Variants in LRRTM4 observed in about 807,000 individuals in gnomAD.
LRRTM4 encodes leucine-rich repeat transmembrane neuronal protein 4.
A neutral mutation model predicts 47.6 loss-of-function variants in LRRTM4; 25 were observed. The observed-to-expected ratio is 0.53, with a 90% CI of 0.38 to 0.73. The LOEUF is 0.73. LRRTM4 is among the 30% of genes least tolerant of loss of function. The pLI, the probability that LRRTM4 is intolerant of heterozygous loss-of-function variation, is 0.00. For missense variants in LRRTM4, 638 were observed against 713.4 expected, an observed-to-expected ratio of 0.89 and a Z score of 1.20; for synonymous variants, 311 against 269.5, an observed-to-expected ratio of 1.15 and a Z score of -1.51.
At chr2:76,915,244 G>T (rs1162919544) in intron 3 of LRRTM4, among the ~76,000 whole-genome samples, 1 of 152,166 alleles carries the variant, frequency 6.6e-6, no homozygotes, top group Non-Finnish European at 1.5e-5. Context: ...TGAAGTCTGT[G>T]GGAGAGTATG....
chr2:77,090,869 C>G (rs923647714), intron 3 of LRRTM4, among the ~76,000 whole-genome samples: 2 of 152,130 alleles, frequency 1.3e-5, no homozygotes, highest in Non-Finnish European at 2.9e-5. Flanking sequence ...GCCTCGGCAG[C>G]CCCCTAGACC....
intron 3 of LRRTM4, among the ~76,000 whole-genome samples, chr2:77,456,679 C>T (rs1183127303): frequency 1.3e-5 from 2 of 151,976 alleles, no homozygotes; most frequent in Non-Finnish European, 2.9e-5. Flanking sequence ...TCTTTCAGAA[C>T]ATCTTTCACC....
chr2:76,805,641 A>C (rs559207429), intron 3 of LRRTM4, among the ~76,000 whole-genome samples: 38 of 152,290 alleles, frequency 2.5e-4, no homozygotes, highest in African/African-American at 9.1e-4. Context: ...ATTCATAATG[A>C]TCTTTTCTTT....
intron 3 of LRRTM4, among the ~76,000 whole-genome samples, chr2:77,476,841 A>T (rs1214412499): frequency 2.0e-5 from 3 of 152,068 alleles, no homozygotes; most frequent in Non-Finnish European, 4.4e-5. Context: ...TTTTTTAAGG[A>T]GTTAAGTTAA....
In LRRTM4 at chr2:76,873,324, C is replaced by A. The variant is rs535529792; in HGVS notation, c.1552-124408G>T. ...TGGCTAGCATTGTCATGCCCAGAGC[C>A]CTCTTTGGCACAACTTCATTTCCAA... On this transcript the variant is annotated intron_variant, in intron 3 of 3. Coordinates refer to ENST00000409884, the MANE Select transcript of LRRTM4 (RefSeq NM_001134745.3). Among the ~76,000 whole-genome samples, 15 of 151,498 alleles carry A rather than the reference C, an allele frequency of 9.9e-5. 1 individual carries two copies. The highest frequency in any genetic ancestry group is 1.6e-4 in the Non-Finnish European group (11 of 67,898).
chr2:77,019,097 A>G (rs559596385), intron 3 of LRRTM4, among the ~76,000 whole-genome samples: 43 of 152,118 alleles, frequency 2.8e-4, no homozygotes, highest in African/African-American at 9.9e-4. Context: ...ACAGTGCTAT[A>G]TGAAAAACTT....
intron 3 of LRRTM4, among the ~76,000 whole-genome samples, chr2:76,756,396 C>T (rs1363697839): frequency 6.6e-6 from 1 of 152,074 alleles, no homozygotes; most frequent in Non-Finnish European, 1.5e-5. Flanking sequence ...TTGTATAAAA[C>T]AGAGTTGCAT....
At chr2:77,016,283 G>A (rs1256976616) in intron 3 of LRRTM4, among the ~76,000 whole-genome samples, 1 of 151,646 alleles carries the variant, frequency 6.6e-6, no homozygotes, top group Non-Finnish European at 1.5e-5. Flanking sequence ...CTACTTGGGA[G>A]GCTGAGGCAA....
intron 3 of LRRTM4, among the ~76,000 whole-genome samples, chr2:77,198,526 A>T (rs1286445365): frequency 1.3e-5 from 2 of 152,192 alleles, no homozygotes; most frequent in Non-Finnish European, 2.9e-5. Context: ...GTTAAAATTA[A>T]GATTAATTGT....
intron 3 of LRRTM4, chr2:77,517,885 T>G: frequency 1.0e-6 from 1 of 987,982 alleles, no homozygotes; most frequent in African/African-American, 1.7e-5. Flanking sequence ...GGTTTAAATC[T>G]TCATTACCTT....
chr2:77,383,914 G>C (rs910039520), intron 3 of LRRTM4, among the ~76,000 whole-genome samples: 1 of 152,052 alleles, frequency 6.6e-6, no homozygotes, highest in South Asian at 2.1e-4. Flanking sequence ...ATTCTGATGC[G>C]AGCTCAGGTA....
In LRRTM4 at chr2:76,876,159, AAAG is replaced by A. The variant is rs553898729; in HGVS notation, c.1552-127246_1552-127244del. Among the ~76,000 whole-genome samples the A allele has an allele frequency of 6.7e-4, 102 of 152,306 alleles. 1 individual carries two copies. The highest frequency in any genetic ancestry group is 1.1e-3 in the Non-Finnish European group (76 of 67,992). On this transcript the variant is annotated intron_variant, in intron 3 of 3. Coordinates refer to ENST00000409884, the MANE Select transcript of LRRTM4 (RefSeq NM_001134745.3). ...TATGCCTAACGATTTTAGAGAAAAA[AAAG>A]AAGTTTTTTAAGAGCAACAAATAAG...
chr2:77,426,189 G>T (rs1381219726), intron 3 of LRRTM4, among the ~76,000 whole-genome samples: 1 of 150,834 alleles, frequency 6.6e-6, no homozygotes, highest in Non-Finnish European at 1.5e-5. Context: ...AAATTCTCTT[G>T]AATCTACTTG....
At chr2:76,906,939 G>A (rs1228839816) in intron 3 of LRRTM4, among the ~76,000 whole-genome samples, 1 of 151,866 alleles carries the variant, frequency 6.6e-6, no homozygotes. Flanking sequence ...ACAGATCAAT[G>A]AGACAGAAAG....
intron 3 of LRRTM4, among the ~76,000 whole-genome samples, chr2:77,421,622 G>A (rs901433596): frequency 6.6e-6 from 1 of 152,056 alleles, no homozygotes; most frequent in African/African-American, 2.4e-5. Context: ...CAGGAGAATG[G>A]CGTGAACCCG....
intron 3 of LRRTM4, among the ~76,000 whole-genome samples, chr2:76,790,434 C>A (rs992244566): frequency 6.6e-6 from 1 of 152,132 alleles, no homozygotes; most frequent in Non-Finnish European, 1.5e-5. Context: ...AGGTTGGAAT[C>A]TCAGCTTCTT....
At chr2:77,312,789 A>G (rs1573235788) in intron 3 of LRRTM4, among the ~76,000 whole-genome samples, 1 of 152,186 alleles carries the variant, frequency 6.6e-6, no homozygotes, top group South Asian at 2.1e-4. Flanking sequence ...CACTGAAATA[A>G]GTCTAATTAT....
At chr2:77,122,166 G>A (rs1369395558) in intron 3 of LRRTM4, among the ~76,000 whole-genome samples, 2 of 151,412 alleles carry the variant, frequency 1.3e-5, no homozygotes, top group Admixed American at 1.3e-4. Context: ...TTCATAAATG[G>A]CAACCACACA....
At chr2:76,936,197 A>C (rs111340303) in intron 3 of LRRTM4, among the ~76,000 whole-genome samples, 47 of 152,324 alleles carry the variant, frequency 3.1e-4, no homozygotes, top group African/African-American at 1.0e-3. Context: ...CCAAATGCCC[A>C]TCAATGATAG....
Sources: allele counts gnomAD v4.1 joint callset (sites outside exome capture counted in the v4.1 genomes callset), GRCh38; gene constraint gnomAD v4.1.1; transcripts MANE v1.5; gene names NCBI Gene and HGNC (gene_info 2026-07-23, HGNC 2026-07-21).